The following PDE3A variants were observed in gnomAD, a reference collection of about 807,000 sequenced individuals.
PDE3A encodes phosphodiesterase 3A, also known as cGMP-inhibited 3',5'-cyclic phosphodiesterase 3A.
In PDE3A, 43 loss-of-function variants were observed where a neutral mutation model predicts 98.3. The observed-to-expected ratio is 0.44, with a 90% confidence interval of 0.34 to 0.56. The LOEUF is 0.56. PDE3A is among the 20% of genes least tolerant of loss of function. The pLI is 0.01. For missense variants in PDE3A, 1,427 were observed against 1,440.7 expected (o/e 0.99, Z 0.15); for synonymous variants, 663 against 567.9 (o/e 1.17, Z -2.38).
rs556081492 is a variant in PDE3A, at chr12:20,510,674, G to A, written c.961-45986G>A. ...TCCCAGATGGATCTGTCAACATGGG[G>A]TAGAGATGAATGCTGTTTCCATTGT... is the stretch of plus-strand genomic sequence containing the variant. On this transcript the variant is annotated intron_variant, in intron 1 of 15. Coordinates refer to ENST00000359062, the MANE Select transcript of PDE3A (RefSeq NM_000921.5). 1.6e-3 allele frequency among the ~76,000 whole-genome samples: 247 copies of A among 152,150 alleles called. 2 individuals carry two copies. The highest frequency in any genetic ancestry group is 5.7e-3 in the African/African-American group (238 of 41,528).
At chr12:20,547,273 C>G (rs1942084779) in intron 1 of PDE3A, among the ~76,000 whole-genome samples, 2 of 152,154 alleles carry the variant, frequency 1.3e-5, no homozygotes, top group African/African-American at 4.8e-5. Flanking sequence ...CTATTCTAAG[C>G]TTCTTTATAG....
chr12:20,581,671 G>A (rs1175975782), intron 2 of PDE3A, among the ~76,000 whole-genome samples: 1 of 146,628 alleles, frequency 6.8e-6, no homozygotes, highest in Non-Finnish European at 1.5e-5. Flanking sequence ...GGAGTACAGT[G>A]GCACGATCTC....
At chr12:20,438,009 G>A (rs570390633) in intron 1 of PDE3A, among the ~76,000 whole-genome samples, 42 of 151,824 alleles carry the variant, frequency 2.8e-4, no homozygotes, top group Non-Finnish European at 4.6e-4. Context: ...GTCAAAGCAG[G>A]AAATCATTTT....
chr12:20,606,587 G>A (rs1193662633), intron 2 of PDE3A, among the ~76,000 whole-genome samples: 1 of 152,018 alleles, frequency 6.6e-6, no homozygotes, highest in Admixed American at 6.6e-5. Context: ...GGCCGGGTGC[G>A]GTGGCTCACG....
At chr12:20,389,089 A>G (rs1012506038) in intron 1 of PDE3A, among the ~76,000 whole-genome samples, 2 of 152,060 alleles carry the variant, frequency 1.3e-5, no homozygotes, top group Admixed American at 1.3e-4. Context: ...AAACAGAAAA[A>G]TCACTTTTAC....
rs1565532253 is a variant in PDE3A, at chr12:20,385,977, AATATATAATATATATAAAATAT to A, written c.960+15742_960+15763del. The stretch of plus-strand genomic sequence containing the variant: ...TTAATTATTAATTATATTAATTATT[AATATATAATATATATAAAATAT>A]ATATATAAATATATATAAAATATAT... On this transcript the variant is annotated intron_variant, in intron 1 of 15. Coordinates refer to ENST00000359062, the MANE Select transcript of PDE3A (RefSeq NM_000921.5). 1.1e-4 allele frequency among the ~76,000 whole-genome samples: 12 copies of A among 114,274 alleles called. No homozygotes were observed. In the East Asian group the frequency reaches 2.5e-3, roughly 23 times the overall value. 75.0% of individuals were successfully genotyped at this position (114,274 alleles called of 152,430 possible). A position where few individuals can be genotyped will look rare whatever the true frequency, so the allele number is the denominator to read the frequency against.
chr12:20,669,879 G>T (rs1349122601), intron 15 of PDE3A, among the ~76,000 whole-genome samples: 7 of 151,870 alleles, frequency 4.6e-5, no homozygotes, highest in African/African-American at 1.5e-4. Flanking sequence ...TGGACTAAAT[G>T]CTCCAATTAA....
intron 1 of PDE3A, 62 bp from the exon 2 acceptor site, chr12:20,556,598 A>G: frequency 9.6e-7 from 1 of 1,047,066 alleles, no homozygotes; most frequent in Non-Finnish European, 1.5e-6. Context: ...TTTAAAATAA[A>G]GAAGAAAAAT....
chr12:20,673,088 C>T (rs1334928267), intron 15 of PDE3A, among the ~76,000 whole-genome samples: 1 of 151,400 alleles, frequency 6.6e-6, no homozygotes, highest in South Asian at 2.1e-4. Context: ...AGCCAAAAAA[C>T]ACATGAAAAA....
intron 1 of PDE3A, among the ~76,000 whole-genome samples, chr12:20,551,258 T>C (rs1942189294): frequency 6.6e-6 from 1 of 152,070 alleles, no homozygotes; most frequent in Admixed American, 6.6e-5. Context: ...TGGGATTCTT[T>C]CAAATTTGTA....
chr12:20,513,218 A>G (rs765683156), intron 1 of PDE3A, among the ~76,000 whole-genome samples: 1 of 152,154 alleles, frequency 6.6e-6, no homozygotes, highest in Non-Finnish European at 1.5e-5. Flanking sequence ...CGATGCATAT[A>G]TGTTTTTATA....
At chr12:20,528,764 T>A (rs1156498761) in intron 1 of PDE3A, among the ~76,000 whole-genome samples, 1 of 152,158 alleles carries the variant, frequency 6.6e-6, no homozygotes, top group African/African-American at 2.4e-5. Context: ...GGGTATAACA[T>A]CTAGCAAATA....
In PDE3A at chr12:20,552,119, G is replaced by C. The variant is rs1942225173; in HGVS notation, c.961-4541G>C. On this transcript the variant is annotated intron_variant, in intron 1 of 15. Transcript: ENST00000359062. This position sits in a 1 kb window ranked among gnomAD's most constrained non-coding sequence, Gnocchi z 5.1. ...AACAAGAGGACCGCGGAACAGTCTTGTGATCAGAAACTCACCAACACCAAC... is the reference window on the plus strand; with the variant it reads ...AACAAGAGGACCGCGGAACAGTCTTCTGATCAGAAACTCACCAACACCAAC... 1.2e-6 allele frequency: 2 copies of C among 1,613,416 alleles called. No individual in the cohort carries two copies. The highest frequency in any genetic ancestry group is 4.5e-5 in the East Asian group (2 of 44,872).
At chr12:20,385,630 T>A (rs971595394) in intron 1 of PDE3A, among the ~76,000 whole-genome samples, 1 of 151,758 alleles carries the variant, frequency 6.6e-6, no homozygotes, top group African/African-American at 2.4e-5. Flanking sequence ...TGAGTTCATA[T>A]CCTTTGTAGG....
At chr12:20,396,813 A>T (rs1396343215) in intron 1 of PDE3A, among the ~76,000 whole-genome samples, 1 of 152,032 alleles carries the variant, frequency 6.6e-6, no homozygotes, top group African/African-American at 2.4e-5. Context: ...CTAGATTTTG[A>T]AAGCAAACTT....
chr12:20,547,964 G>T lies in PDE3A; in HGVS notation c.961-8696G>T, dbSNP rs1291270380. On this transcript the variant is annotated intron_variant, in intron 1 of 15. Transcript: ENST00000359062. ...TTCTCCTGTGAACTTTTTAAATTCTGTGTTTGGCAGCAGTTTTGTTTTCCT... is the reference window on the plus strand; with the variant it reads ...TTCTCCTGTGAACTTTTTAAATTCTTTGTTTGGCAGCAGTTTTGTTTTCCT... Among the ~76,000 whole-genome samples the T allele has an allele frequency of 2.0e-5, 3 of 151,950 alleles. 1 individual carries two copies. Among genetic ancestry groups the T allele is most frequent in the Admixed American group, 2.0e-4 (3 of 15,250 alleles).
At chr12:20,464,549 A>G (rs979556773) in intron 1 of PDE3A, among the ~76,000 whole-genome samples, 1 of 152,162 alleles carries the variant, frequency 6.6e-6, no homozygotes, top group Non-Finnish European at 1.5e-5. Context: ...AATATACTCT[A>G]TATAAGTAAG....
At chr12:20,660,691 C>G (rs987976146) in intron 15 of PDE3A, among the ~76,000 whole-genome samples, 5 of 152,138 alleles carry the variant, frequency 3.3e-5, no homozygotes, top group African/African-American at 1.2e-4. Context: ...CTCTTTTTGG[C>G]TGCTGCCATC....
rs562017084 is a variant in PDE3A, at chr12:20,572,952, T to C, written c.1011+16242T>C. On this transcript the variant is annotated intron_variant, in intron 2 of 15. Transcript: ENST00000359062. ...TACTGTACTGATTGGTATTCATCAGTAACTACCAGTCAAATGACTAGTCTA... is the reference window on the plus strand; with the variant it reads ...TACTGTACTGATTGGTATTCATCAGCAACTACCAGTCAAATGACTAGTCTA... Among the ~76,000 whole-genome samples, 3 of 152,238 alleles carry C rather than the reference T, an allele frequency of 2.0e-5. No individual in the cohort carries two copies. The East Asian group carries it at 5.8e-4, about 29-fold the overall frequency.
Sources: allele counts gnomAD v4.1 joint callset (sites outside exome capture counted in the v4.1 genomes callset), GRCh38; gene constraint gnomAD v4.1.1; non-coding constraint Gnocchi (gnomAD v3.1); transcripts MANE v1.5; gene names NCBI Gene and HGNC (gene_info 2026-07-23, HGNC 2026-07-21).